GRM7: variants seen among roughly 807,000 people sequenced by gnomAD.
GRM7 encodes metabotropic glutamate receptor 7.
A neutral mutation model predicts 84.5 loss-of-function variants in GRM7; 35 were observed. That is an observed-to-expected ratio of 0.41 (90% CI 0.32 to 0.55). The LOEUF (loss-of-function observed/expected upper bound fraction) is 0.55. GRM7 is among the 20% of genes least tolerant of loss of function. GRM7 has a pLI of 0.19. For synonymous variants in GRM7, 487 were observed against 455.1 expected (o/e 1.07, Z -0.89); for missense variants, 1,003 against 1,194.6 (o/e 0.84, Z 2.36).
intron 2 of GRM7, among the ~76,000 whole-genome samples, chr3:7,187,584 C>T (rs1695563406): frequency 6.6e-6 from 1 of 152,156 alleles, no homozygotes; most frequent in South Asian, 2.1e-4. Context: ...CGTTGCAGCT[C>T]CGTGATTGCT....
chr3:7,119,013 T>G (rs1414930951), intron 1 of GRM7, among the ~76,000 whole-genome samples: 1 of 152,166 alleles, frequency 6.6e-6, no homozygotes, highest in African/African-American at 2.4e-5. Flanking sequence ...GCATTCTAAT[T>G]TCTTGGGTTT....
intron 2 of GRM7, among the ~76,000 whole-genome samples, chr3:7,213,164 A>G (rs1357140727): frequency 1.3e-5 from 2 of 152,198 alleles, no homozygotes; most frequent in Non-Finnish European, 2.9e-5. Flanking sequence ...TTAGATACCA[A>G]CTTAACCAGT....
At position 7,608,046 on chromosome 3, in the gene GRM7, CT is replaced by C. The variant is rs1407452998; in HGVS notation, c.2451+28690del. 1.1e-5 allele frequency: 4 copies of C among 362,350 alleles called. 1 individual carries two copies. Among genetic ancestry groups the C allele is most frequent in the South Asian group, 7.7e-5 (4 of 51,936 alleles). The allele number at this position is 362,350 out of a possible 1,614,324, so 22.4% of individuals were successfully genotyped here. A position where few individuals can be genotyped will look rare whatever the true frequency, so the allele number is the denominator to read the frequency against. On this transcript the variant is annotated intron_variant, in intron 8 of 9. Transcript: ENST00000357716. ...ACAGCCTCCAGCTCCATCTATGTTC[CT>C]GCAAAAGACATGACTCATGCTTTTT...
intron 9 of GRM7, among the ~76,000 whole-genome samples, chr3:7,687,584 T>C (rs1237494969): frequency 6.6e-6 from 1 of 152,132 alleles, no homozygotes; most frequent in African/African-American, 2.4e-5. Context: ...GAGAGACCTG[T>C]CTCTAGAGAG....
intron 1 of GRM7, among the ~76,000 whole-genome samples, chr3:7,139,608 A>G (rs1341398812): frequency 6.6e-6 from 1 of 151,974 alleles, no homozygotes; most frequent in African/African-American, 2.4e-5. Context: ...ATTATCTTCA[A>G]GGAAATAAAT....
In GRM7 at chr3:7,670,187, A is replaced by C. The variant is rs79302039; in HGVS notation, c.2452-9862A>C. On this transcript the variant is annotated intron_variant, in intron 8 of 9. Transcript: ENST00000357716. ...TGTTGCCACAGTGGTGATCATGGAA[A>C]GGCAGGAAAACAAAGACATATACAG... Among the ~76,000 whole-genome samples the C allele has an allele frequency of 8.1e-3, 1,232 of 152,302 alleles. 10 individuals carry two copies. Among genetic ancestry groups the C allele is most frequent in the Non-Finnish European group, 0.012 (831 of 68,006 alleles).
intron 1 of GRM7, among the ~76,000 whole-genome samples, chr3:7,106,435 A>G (rs1692644017): frequency 6.6e-6 from 1 of 151,836 alleles, no homozygotes; most frequent in Admixed American, 6.6e-5. Flanking sequence ...GGGTTTTTAA[A>G]CATCTTGGAT....
At chr3:7,317,242 C>T (rs1282817093) in intron 4 of GRM7, among the ~76,000 whole-genome samples, 1 of 152,052 alleles carries the variant, frequency 6.6e-6, no homozygotes, top group Non-Finnish European at 1.5e-5. Flanking sequence ...TGAATACCAT[C>T]CCCTAGAATT....
intron 7 of GRM7, among the ~76,000 whole-genome samples, chr3:7,574,836 G>A (rs1694881636): frequency 6.6e-6 from 1 of 152,088 alleles, no homozygotes; most frequent in Admixed American, 6.5e-5. Flanking sequence ...GATTTGTGTG[G>A]GTGTCTTTCC....
At chr3:7,600,112 G>A (rs180715828) in intron 8 of GRM7, among the ~76,000 whole-genome samples, 2 of 152,158 alleles carry the variant, frequency 1.3e-5, no homozygotes, top group Admixed American at 1.3e-4. Flanking sequence ...CATTTTCATA[G>A]CTAAATTGTT....
intron 4 of GRM7, among the ~76,000 whole-genome samples, chr3:7,324,386 T>C (rs1241746466): frequency 3.3e-5 from 5 of 152,206 alleles, no homozygotes; most frequent in African/African-American, 1.2e-4. Flanking sequence ...CTTCAGTCAA[T>C]GAATTCTGAA....
At chr3:7,271,370 T>G (rs1293953020) in intron 2 of GRM7, among the ~76,000 whole-genome samples, 1 of 151,772 alleles carries the variant, frequency 6.6e-6, no homozygotes, top group Non-Finnish European at 1.5e-5. Flanking sequence ...CCATCCTGGC[T>G]AACACGGTGA....
intron 1 of GRM7, among the ~76,000 whole-genome samples, chr3:7,064,567 A>G (rs1404952429): frequency 1.2e-5 from 1 of 80,328 alleles, no homozygotes; most frequent in Admixed American, 1.4e-4. Flanking sequence ...ATATATATAT[A>G]TATCACAGTT....
At chr3:7,016,724 G>A (rs1479708277) in intron 1 of GRM7, among the ~76,000 whole-genome samples, 1 of 152,128 alleles carries the variant, frequency 6.6e-6, no homozygotes, top group African/African-American at 2.4e-5. Flanking sequence ...TAAATACATG[G>A]TATAGTGCCA....
At chr3:7,465,253 G>T (rs1238717761) in intron 7 of GRM7, among the ~76,000 whole-genome samples, 3 of 152,068 alleles carry the variant, frequency 2.0e-5, no homozygotes, top group African/African-American at 7.2e-5. Flanking sequence ...ACTTGGTATT[G>T]CATGGGACCT....
chr3:7,311,258 C>T (rs774388461), intron 4 of GRM7, among the ~76,000 whole-genome samples: 5 of 152,084 alleles, frequency 3.3e-5, no homozygotes, highest in Non-Finnish European at 7.3e-5. Flanking sequence ...ACTTCTTCTA[C>T]AGGAAGAATG....
intron 2 of GRM7, among the ~76,000 whole-genome samples, chr3:7,164,131 G>A (rs144227840): frequency 0.015 from 2,258 of 152,236 alleles, 37 homozygotes; most frequent in Non-Finnish European, 0.02. Flanking sequence ...GGCTGAGGTG[G>A]GCAGAACACT....
chr3:7,548,138 G>C (rs1235215783), intron 7 of GRM7, among the ~76,000 whole-genome samples: 1 of 152,212 alleles, frequency 6.6e-6, no homozygotes, highest in Admixed American at 6.5e-5. Flanking sequence ...CCAGACACTG[G>C]AAGTGAGGCC....
chr3:7,619,733 G>C (rs145574230), intron 8 of GRM7, among the ~76,000 whole-genome samples: 14 of 152,202 alleles, frequency 9.2e-5, no homozygotes, highest in Middle Eastern at 3.4e-3. Flanking sequence ...CTGACTTAAA[G>C]AAACCAATGG....
Sources: gnomAD v4.1 joint callset for allele counts (sites outside exome capture counted in the v4.1 genomes callset) on GRCh38, gnomAD v4.1.1 for gene constraint, MANE v1.5 for transcripts, NCBI Gene and HGNC (gene_info 2026-07-23, HGNC 2026-07-21) for gene names.